The following ZNF469 variants were observed in gnomAD, a reference collection of about 807,000 sequenced individuals.
ZNF469 encodes zinc finger protein 469.
A neutral mutation model predicts 1.0 loss-of-function variants in ZNF469; 1 was observed. That is an observed-to-expected ratio of 1.00 (90% CI 0.35 to 4.73). The LOEUF (loss-of-function observed/expected upper bound fraction) is 4.73, where lower values mean the gene tolerates loss of function less well. Among genes scored for constraint, ZNF469 ranks in the 30% most tolerant of loss-of-function variants. The pLI, the probability that ZNF469 is intolerant of heterozygous loss-of-function variation, is 0.16. For synonymous variants in ZNF469, 2,703 were observed against 2,363.4 expected, an observed-to-expected ratio of 1.14 and a Z score of -4.17; for missense variants, 6,100 against 5,356.3, an observed-to-expected ratio of 1.14 and a Z score of -4.33.
the ZNF469 span, among the ~76,000 whole-genome samples, chr16:88,126,834 G>C: frequency 0.085 from 12,671 of 149,430 alleles, 822 homozygotes; most frequent in East Asian, 0.23. Flanking sequence ...TTGTGTTTTT[G>C]GTAGAGATGG....
chr16:88,324,875 G>T, the ZNF469 span, among the ~76,000 whole-genome samples: 1 of 152,116 alleles, frequency 6.6e-6, no homozygotes, highest in Non-Finnish European at 1.5e-5. Context: ...TTGATACTGG[G>T]CAATTTATAA....
chr16:88,180,681 G>A, the ZNF469 span, among the ~76,000 whole-genome samples: 1 of 152,144 alleles, frequency 6.6e-6, no homozygotes, highest in African/African-American at 2.4e-5. Context: ...GGCTGAGGCA[G>A]GAGAATTGCT....
the ZNF469 span, among the ~76,000 whole-genome samples, chr16:88,344,841 C>A: frequency 6.6e-6 from 1 of 152,358 alleles, no homozygotes; most frequent in African/African-American, 2.4e-5. Flanking sequence ...CCCCAAACCA[C>A]CACATTGGCT....
the ZNF469 span, among the ~76,000 whole-genome samples, chr16:88,210,194 G>A: frequency 6.6e-6 from 1 of 151,880 alleles, no homozygotes; most frequent in African/African-American, 2.4e-5. Flanking sequence ...AACATTTTTG[G>A]TAAATTATCT....
intron 1 of ZNF469, among the ~76,000 whole-genome samples, chr16:88,401,615 G>C (rs1342214952): frequency 6.9e-6 from 1 of 145,026 alleles, no homozygotes; most frequent in Non-Finnish European, 1.5e-5. Context: ...AGTTGGGTGA[G>C]TGGATGGATG....
At chr16:88,221,852 C>A in the ZNF469 span, among the ~76,000 whole-genome samples, 1 of 152,192 alleles carries the variant, frequency 6.6e-6, no homozygotes, top group South Asian at 2.1e-4. Context: ...TCAGTCCACT[C>A]TGCCTCTGCT....
upstream of ZNF469, among the ~76,000 whole-genome samples, chr16:88,380,753 C>T (rs1424246499): frequency 1.3e-5 from 2 of 150,288 alleles, no homozygotes; most frequent in African/African-American, 2.5e-5. Flanking sequence ...CACAGACATG[C>T]ACTCACAGAC....
At chr16:88,172,943 A>C in the ZNF469 span, among the ~76,000 whole-genome samples, 3 of 152,240 alleles carry the variant, frequency 2.0e-5, no homozygotes, top group African/African-American at 7.2e-5. Flanking sequence ...CTTAAAAAAC[A>C]AAAACAAAAA....
the ZNF469 span, among the ~76,000 whole-genome samples, chr16:88,242,343 G>T: frequency 6.6e-6 from 1 of 152,168 alleles, no homozygotes; most frequent in Non-Finnish European, 1.5e-5. Flanking sequence ...CACAGCTCTG[G>T]AGGCCAGAGT....
the ZNF469 span, among the ~76,000 whole-genome samples, chr16:88,125,921 G>A: frequency 1.3e-5 from 2 of 152,146 alleles, no homozygotes; most frequent in East Asian, 1.9e-4. Context: ...GGGCGCAGTG[G>A]CTCACGCCTA....
chr16:88,300,007 G>A, the ZNF469 span, among the ~76,000 whole-genome samples: 3 of 152,296 alleles, frequency 2.0e-5, no homozygotes, highest in Non-Finnish European at 2.9e-5. Flanking sequence ...TGGAGGCAGC[G>A]CACGGCACGG....
the ZNF469 span, among the ~76,000 whole-genome samples, chr16:88,137,907 G>A: frequency 6.6e-6 from 1 of 152,142 alleles, no homozygotes. Context: ...GGTGGGAAGA[G>A]GAAGATGGGA....
chr16:88,425,016 G>T (rs1052968367), intron 2 of ZNF469, among the ~76,000 whole-genome samples, 145 bp downstream of exon 2: 1 of 151,730 alleles, frequency 6.6e-6, no homozygotes, highest in African/African-American at 2.4e-5. Context: ...CCCGAGAGCC[G>T]ACTCCTGGGG....
chr16:88,309,903 T>C, the ZNF469 span, among the ~76,000 whole-genome samples: 52 of 152,336 alleles, frequency 3.4e-4, no homozygotes, highest in African/African-American at 1.2e-3. Context: ...GAGTCAGCTG[T>C]AACCTGAGGG....
intron 1 of ZNF469, among the ~76,000 whole-genome samples, chr16:88,404,394 A>T (rs1164814666): frequency 1.3e-5 from 2 of 152,132 alleles, no homozygotes; most frequent in Non-Finnish European, 2.9e-5. Flanking sequence ...GCTGTTAGTG[A>T]TTCACCAGCA....
chr16:88,354,443 G>A, the ZNF469 span, among the ~76,000 whole-genome samples: 2 of 152,158 alleles, frequency 1.3e-5, no homozygotes, highest in Non-Finnish European at 2.9e-5. Flanking sequence ...TCGTGCTCCA[G>A]AATTAGGTGC....
rs150488251 is a variant in ZNF469, at chr16:88,435,275, T to C, written c.7805T>C (p.Leu2602Pro). 1.2e-3 allele frequency: 1,919 copies of C among 1,550,278 alleles called. 24 individuals are homozygous for C. In the African/African-American group the frequency reaches 0.022, roughly 18 times the overall value. ...CCAGACCAGGCCAGGGAAGATGAGCTGCATCCCAAACAGGCAGAAAAAAGA... is the reference window on the plus strand; with the variant it reads ...CCAGACCAGGCCAGGGAAGATGAGCCGCATCCCAAACAGGCAGAAAAAAGA... ...PRPDQAREDE[L>P]HPKQAEKREG... Residue 2602 changes from leucine (L) to proline (P), a missense_variant, in exon 3 of 3, where the codon CTG becomes CCG. Physicochemically the swap from Leu to Pro is moderately conservative, Grantham distance 98. Transcript: ENST00000565624.
the ZNF469 span, among the ~76,000 whole-genome samples, chr16:88,374,955 T>A: frequency 1.1e-4 from 17 of 152,330 alleles, no homozygotes; most frequent in East Asian, 3.3e-3. Flanking sequence ...TGTGGTGGAA[T>A]CTACGCACAA....
At chr16:88,123,999 C>G in the ZNF469 span, among the ~76,000 whole-genome samples, 17 of 152,276 alleles carry the variant, frequency 1.1e-4, no homozygotes, top group Non-Finnish European at 1.9e-4. Context: ...GACGGGGTTT[C>G]TCCATCTTGG....
Sources: allele counts gnomAD v4.1 joint callset (sites outside exome capture counted in the v4.1 genomes callset), GRCh38; gene constraint gnomAD v4.1.1; transcripts MANE v1.5; gene names NCBI Gene and HGNC (gene_info 2026-07-23, HGNC 2026-07-21).